The following DNAAF9 variants were observed in gnomAD, a reference collection of about 807,000 sequenced individuals.
DNAAF9 encodes shulin.
DNAAF9 carries 90 observed loss-of-function variants against 167.0 expected under a neutral mutation model. That is an observed-to-expected ratio of 0.54 (90% CI 0.45 to 0.64). DNAAF9 has a LOEUF of 0.64. Ranked by LOEUF, DNAAF9 falls within the 30% of genes least tolerant of loss-of-function variation. The probability of loss-of-function intolerance (pLI) is 0.00; values close to 1 mark genes in which losing one functional copy is unlikely to be tolerated. For synonymous variants in DNAAF9, 491 were observed against 508.8 expected, an observed-to-expected ratio of 0.96 and a Z score of 0.47; for missense variants, 1,315 against 1,442.2, an observed-to-expected ratio of 0.91 and a Z score of 1.43.
intron 6 of DNAAF9, among the ~76,000 whole-genome samples, chr20:3,367,483 G>A (rs1032985106): frequency 6.6e-6 from 1 of 152,206 alleles, no homozygotes; most frequent in Non-Finnish European, 1.5e-5. Context: ...CCTTCACCAA[G>A]CTTAACCATT....
At position 3,253,770 on chromosome 20, in the gene DNAAF9, G is replaced by C. The variant is rs777097427; in HGVS notation, c.3377C>G (p.Thr1126Ser). Reference protein sequence around the residue: ...PLPAGYFYNGTQFVNFFGDKT... With the variant: ...PLPAGYFYNGSQFVNFFGDKT... ...GTCACCAAAGAAGTTAACAAATTGG[G>C]TGCCATTATAAAAGTAGCCTGCAGG... Residue 1126 changes from threonine to serine, a missense_variant, in exon 36 of 37, where the codon ACC (threonine) becomes AGC (serine). Physicochemically the swap from Thr to Ser is moderately conservative, Grantham distance 58. This residue lies in a region of DNAAF9 where 334 missense variants were observed against 429.7 expected (regional missense o/e 0.78). Coordinates refer to ENST00000252032, the MANE Select transcript of DNAAF9 (RefSeq NM_001009984.3). 14 of 1,613,408 alleles carry C rather than the reference G, an allele frequency of 8.7e-6. No homozygotes were observed. The Admixed American group carries it at 2.0e-4, about 23-fold the overall frequency.
chr20:3,406,821 T>C (rs1303444668), intron 1 of DNAAF9, among the ~76,000 whole-genome samples: 5 of 151,724 alleles, frequency 3.3e-5, no homozygotes, highest in African/African-American at 1.2e-4. Flanking sequence ...GAGCTCCCTA[T>C]TGTGGAGTGA....
Position 3,251,443 on chromosome 20 carries a change from CT to C in DNAAF9, c.*1128del, listed in dbSNP as rs998099592. 2 of 152,234 alleles carry C rather than the reference CT, an allele frequency of 1.3e-5. No individual in the cohort carries two copies. Among genetic ancestry groups the C allele is most frequent in the African/African-American group, 4.8e-5 (2 of 41,446 alleles). 9.4% of individuals were successfully genotyped at this position (152,234 alleles called of 1,614,324 possible). On this transcript the variant is annotated 3_prime_UTR_variant, in exon 37 of 37. Coordinates refer to ENST00000252032, the MANE Select transcript of DNAAF9 (RefSeq NM_001009984.3). ...CTAAATATCAGTGGCTGTGACTCCC[CT>C]GTCCCCCACACCAATTATGAAGGTC...
rs766527100 is a variant in DNAAF9, at chr20:3,340,496, C to T, written c.981+8G>A. ...ACTAATCAAGCACCAGGCAGTCCAG[C>T]CACTTACCATGTGCTTGGCAAAGCT... On this transcript the variant is annotated splice_region_variant and intron_variant, in intron 10 of 36. Transcript: ENST00000252032. 6.7e-7 allele frequency: 1 copy of T among 1,491,634 alleles called. No individual in the cohort carries two copies. The highest frequency in any genetic ancestry group is 9.1e-7 in the Non-Finnish European group (1 of 1,103,176). 92.4% of individuals were successfully genotyped at this position (1,491,634 alleles called of 1,614,324 possible).
At chr20:3,334,989 G>C (rs754352969) in intron 10 of DNAAF9, among the ~76,000 whole-genome samples, 1 of 152,194 alleles carries the variant, frequency 6.6e-6, no homozygotes, top group Non-Finnish European at 1.5e-5. Context: ...ATTCAACAAG[G>C]ATTACTGACT....
intron 29 of DNAAF9, 77 bp from the exon 30 acceptor site, chr20:3,270,639 G>C: frequency 7.7e-7 from 1 of 1,303,158 alleles, no homozygotes. Context: ...GTGAGCCCTT[G>C]CTCCATCCCC....
chr20:3,272,986 A>G (rs979316215), intron 29 of DNAAF9, among the ~76,000 whole-genome samples: 3 of 152,142 alleles, frequency 2.0e-5, no homozygotes, highest in African/African-American at 7.2e-5. Context: ...ATGCACCATC[A>G]TGCCGGGCTA....
At chr20:3,402,854 T>C (rs1293558893) in intron 1 of DNAAF9, among the ~76,000 whole-genome samples, 3 of 152,196 alleles carry the variant, frequency 2.0e-5, no homozygotes, top group African/African-American at 7.2e-5. Context: ...TCAACTTTTT[T>C]AGATTCTACC....
At chr20:3,272,360 G>C (rs948440005) in intron 29 of DNAAF9, among the ~76,000 whole-genome samples, 1 of 152,056 alleles carries the variant, frequency 6.6e-6, no homozygotes, top group Non-Finnish European at 1.5e-5. Context: ...GTGTAGCTGG[G>C]ACCACAGGTG....
intron 33 of DNAAF9, among the ~76,000 whole-genome samples, chr20:3,257,626 G>C (rs6037518): frequency 0.25 from 37,990 of 151,730 alleles, 5,352 homozygotes; most frequent in African/African-American, 0.37. Context: ...TCACTGCAAC[G>C]GCCGCCTCCT....
intron 10 of DNAAF9, among the ~76,000 whole-genome samples, chr20:3,335,994 G>A (rs571279029): frequency 2.8e-3 from 432 of 151,916 alleles, no homozygotes; most frequent in Non-Finnish European, 5.3e-3. Flanking sequence ...ATGGTGGTGC[G>A]CACTTGTAGT....
chr20:3,348,446 G>A, intron 8 of DNAAF9, 79 bp downstream of exon 8: 2 of 765,190 alleles, frequency 2.6e-6, no homozygotes, highest in Non-Finnish European at 4.0e-6. Context: ...GTTGTATTTT[G>A]AAAAAAATTT....
At chr20:3,253,890 C>A (rs1019703312) in intron 35 of DNAAF9, 71 bp from the exon 36 acceptor site, 2 of 895,580 alleles carry the variant, frequency 2.2e-6, no homozygotes, top group Non-Finnish European at 3.7e-6. Context: ...TTAAAACAAA[C>A]AAGTCTATTT....
At position 3,318,313 on chromosome 20, in the gene DNAAF9, A is replaced by C. The variant is rs1308413643; in HGVS notation, c.1444T>G (p.Ser482Ala). 5 of 1,562,530 alleles carry C rather than the reference A, an allele frequency of 3.2e-6. No homozygotes were observed. Among genetic ancestry groups the C allele is most frequent in the Non-Finnish European group, 3.5e-6 (4 of 1,133,590 alleles). Reference sequence around the variant, plus strand: ...CCCTTTTCTTTAACTAAGATCTGAGAAGTCAAAAATGATTCAGAGAAAACC... The same window carrying C: ...CCCTTTTCTTTAACTAAGATCTGAGCAGTCAAAAATGATTCAGAGAAAACC... The part of the protein sequence containing the change: ...SVVFSESFLT[S>A]QILVKEKDGT... The change falls in exon 17 of 37, where the codon TCT becomes GCT. Residue 482 changes from serine to alanine, a missense_variant. Ser to Ala is a moderately conservative substitution (Grantham distance 99). Coordinates refer to ENST00000252032, the MANE Select transcript of DNAAF9 (RefSeq NM_001009984.3).
At chr20:3,394,174 C>G (rs1479830076) in intron 1 of DNAAF9, among the ~76,000 whole-genome samples, 1 of 152,032 alleles carries the variant, frequency 6.6e-6, no homozygotes. Flanking sequence ...CCTGTCTCTA[C>G]TAAAAATACA....
At chr20:3,357,910 T>G (rs1164723800) in intron 7 of DNAAF9, among the ~76,000 whole-genome samples, 2 of 152,030 alleles carry the variant, frequency 1.3e-5, no homozygotes, top group Non-Finnish European at 2.9e-5. Flanking sequence ...CTCAGGAGGC[T>G]GAGGTGCAAG....
chr20:3,287,380 T>C (rs2068869958), intron 27 of DNAAF9, among the ~76,000 whole-genome samples: 1 of 152,184 alleles, frequency 6.6e-6, no homozygotes, highest in South Asian at 2.1e-4. Context: ...TCTTGCCAGG[T>C]TCCCTAATTC....
Position 3,376,244 on chromosome 20 carries a change from A to G in DNAAF9, c.342T>C (p.Phe114=). Reference sequence around the variant, plus strand: ...GTGCCACATAAGGTAAGAGATAGCGAAAGTTTACAGGATTACAGTACAGAT... The same window carrying G: ...GTGCCACATAAGGTAAGAGATAGCGGAAGTTTACAGGATTACAGTACAGAT... ...SVHLYCNPVN[F]RYLLPYVAHW... Residue 114 remains phenylalanine, a synonymous_variant, in exon 4 of 37, where the codon TTT becomes TTC. Transcript: ENST00000252032. 3 of 1,613,514 alleles carry G rather than the reference A, an allele frequency of 1.9e-6. No homozygotes were observed. Among genetic ancestry groups the G allele is most frequent in the Non-Finnish European group, 2.5e-6 (3 of 1,179,436 alleles).
intron 29 of DNAAF9, among the ~76,000 whole-genome samples, chr20:3,274,983 A>G (rs2122831510): frequency 6.6e-6 from 1 of 152,326 alleles, no homozygotes; most frequent in East Asian, 1.9e-4. Flanking sequence ...CCATTTGGAA[A>G]GGTCACTCTG....
Sources: gnomAD v4.1 joint callset for allele counts (sites outside exome capture counted in the v4.1 genomes callset) on GRCh38, gnomAD v4.1.1 for gene constraint, gnomAD v4.1.1 regional missense constraint, MANE v1.5 for transcripts, NCBI Gene and HGNC (gene_info 2026-07-23, HGNC 2026-07-21) for gene names.